The following SYT1 variants were observed in gnomAD, a reference collection of about 807,000 sequenced individuals.
The protein encoded by SYT1 is synaptotagmin 1.
SYT1 carries 8 observed loss-of-function variants against 44.8 expected under a neutral mutation model. The ratio of observed to expected loss-of-function variants is 0.18; its 90% CI spans 0.10 to 0.32. The LOEUF is 0.32. SYT1 is among the 10% of genes least tolerant of loss of function. The pLI is 1.00. For synonymous variants in SYT1, 154 were observed against 188.8 expected (o/e 0.82, Z 1.51); for missense variants, 286 against 509.3 (o/e 0.56, Z 4.22).
chr12:78,923,840 A>T (rs921833188), intron 1 of SYT1, among the ~76,000 whole-genome samples: 5 of 151,878 alleles, frequency 3.3e-5, no homozygotes, highest in African/African-American at 1.2e-4. Flanking sequence ...TCTCATCAGG[A>T]AATTAACATT....
chr12:79,050,789 C>A (rs985638654), intron 3 of SYT1, among the ~76,000 whole-genome samples: 13 of 151,922 alleles, frequency 8.6e-5, no homozygotes, highest in African/African-American at 2.7e-4. Flanking sequence ...TTGCAAATAT[C>A]CCAAATGTTA....
chr12:79,298,379 C>T (rs1353777027), intron 7 of SYT1, among the ~76,000 whole-genome samples: 1 of 152,006 alleles, frequency 6.6e-6, no homozygotes, highest in South Asian at 2.1e-4. Context: ...AAGAAAAACT[C>T]TTTGGAAAAC....
chr12:79,108,794 A>T lies in SYT1; in HGVS notation c.-18+61432A>T, dbSNP rs200932243. 4.6e-5 allele frequency among the ~76,000 whole-genome samples: 7 copies of T among 152,354 alleles called. No individual in the cohort carries two copies. The East Asian group carries it at 1.3e-3, about 29-fold the overall frequency. On this transcript the variant is annotated intron_variant, in intron 3 of 10. Transcript: ENST00000261205. ...AAACACTGCTTTTTAAAATTTATTTATGAGTACTGAACATGGTTATGGTCT... is the reference window on the plus strand; with the variant it reads ...AAACACTGCTTTTTAAAATTTATTTTTGAGTACTGAACATGGTTATGGTCT...
intron 8 of SYT1, among the ~76,000 whole-genome samples, chr12:79,316,000 T>G (rs542634619): frequency 2.4e-4 from 36 of 152,344 alleles, no homozygotes; most frequent in South Asian, 8.3e-4. Flanking sequence ...CAGACCTTTT[T>G]CCTACTAACA....
intron 3 of SYT1, among the ~76,000 whole-genome samples, chr12:79,168,062 C>T (rs1871317052): frequency 1.3e-5 from 2 of 152,074 alleles, no homozygotes; most frequent in African/African-American, 4.8e-5. Flanking sequence ...CTGTGCGGTC[C>T]AGTTCCTAAC....
intron 9 of SYT1, among the ~76,000 whole-genome samples, chr12:79,357,104 AATTTTCTTATTGCTCTCCAACAAGGTT>A (rs1467954487): frequency 6.6e-6 from 1 of 152,236 alleles, no homozygotes; most frequent in African/African-American, 2.4e-5. Flanking sequence ...TATGTAAAAT[AATTTTCTTATTGCTCTCCAACAAGGTT>A]ATTTCCTTCC....
intron 2 of SYT1, among the ~76,000 whole-genome samples, chr12:79,044,602 T>A (rs1181976225): frequency 6.7e-6 from 1 of 148,402 alleles, no homozygotes; most frequent in African/African-American, 2.5e-5. Context: ...AGTAATTTGA[T>A]CGTCTGAAGC....
rs913518080 is a variant in SYT1, at chr12:79,160,943, T to A, written c.-17-56560T>A. 2.6e-5 allele frequency among the ~76,000 whole-genome samples: 4 copies of A among 152,116 alleles called. No homozygotes were observed. The South Asian group carries it at 8.3e-4, about 32-fold the overall frequency. Reference sequence around the variant, plus strand: ...TTTATGATAGTGGTCCATAAAATTATAAGACTGGGCCAGGCGCAGTGGCTC... The same window carrying A: ...TTTATGATAGTGGTCCATAAAATTAAAAGACTGGGCCAGGCGCAGTGGCTC... On this transcript the variant is annotated intron_variant, in intron 3 of 10. Transcript: ENST00000261205.
intron 4 of SYT1, among the ~76,000 whole-genome samples, chr12:79,282,526 A>C (rs1190407248): frequency 6.6e-6 from 1 of 152,204 alleles, no homozygotes; most frequent in Non-Finnish European, 1.5e-5. Context: ...CAATAACAAT[A>C]AACTGATAGT....
chr12:78,917,336 A>T (rs1876718833), intron 1 of SYT1, among the ~76,000 whole-genome samples: 1 of 151,924 alleles, frequency 6.6e-6, no homozygotes, highest in Non-Finnish European at 1.5e-5. Context: ...TTCTGAATGT[A>T]TCCCAATTAG....
At chr12:78,984,122 A>C (rs1265089551) in intron 2 of SYT1, among the ~76,000 whole-genome samples, 1 of 151,938 alleles carries the variant, frequency 6.6e-6, no homozygotes, top group Middle Eastern at 3.2e-3. Flanking sequence ...CAGACCAACC[A>C]CCAAGACAAA....
chr12:79,033,264 G>A (rs1565772618), intron 2 of SYT1, among the ~76,000 whole-genome samples: 1 of 151,264 alleles, frequency 6.6e-6, no homozygotes, highest in Admixed American at 6.6e-5. Flanking sequence ...TGTCAAAATT[G>A]TAGGTGTAAT....
rs141330116 is a variant in SYT1, at chr12:79,067,892, A to G, written c.-18+20530A>G. The stretch of plus-strand genomic sequence containing the variant: ...TTCAAGACCAACAGATCAAGTAGAA[A>G]TTGTTGTAGAACATATATGTGCTGC... On this transcript the variant is annotated intron_variant, in intron 3 of 10. Coordinates refer to ENST00000261205, the MANE Select transcript of SYT1 (RefSeq NM_005639.3). Among the ~76,000 whole-genome samples the G allele has an allele frequency of 6.3e-4, 96 of 152,356 alleles. No individual in the cohort carries two copies. The East Asian group carries it at 0.013, about 20-fold the overall frequency.
intron 4 of SYT1, among the ~76,000 whole-genome samples, chr12:79,238,611 A>T (rs998175054): frequency 2.0e-5 from 3 of 152,246 alleles, no homozygotes; most frequent in Non-Finnish European, 4.4e-5. Context: ...ATGCAGGGCA[A>T]TTGGGTATGT....
intron 3 of SYT1, among the ~76,000 whole-genome samples, chr12:79,216,453 G>T (rs1874812315): frequency 2.0e-5 from 3 of 152,140 alleles, no homozygotes; most frequent in Non-Finnish European, 2.9e-5. Flanking sequence ...AATATTTTTA[G>T]AATGGAGAAT....
chr12:79,346,372 T>C (rs1019970912), intron 8 of SYT1, among the ~76,000 whole-genome samples: 1 of 152,216 alleles, frequency 6.6e-6, no homozygotes, highest in African/African-American at 2.4e-5. Context: ...TGCCTTCTGA[T>C]TGTCAGCTGT....
At chr12:79,031,407 A>T (rs148725186) in intron 2 of SYT1, among the ~76,000 whole-genome samples, 1 of 151,190 alleles carries the variant, frequency 6.6e-6, no homozygotes, top group East Asian at 1.9e-4. Flanking sequence ...TTATTTTCTT[A>T]GCTTTGGCTT....
intron 8 of SYT1, among the ~76,000 whole-genome samples, chr12:79,306,913 T>G (rs146861406): frequency 5.3e-4 from 80 of 152,324 alleles, no homozygotes; most frequent in African/African-American, 1.7e-3. Flanking sequence ...ACTGAAATAA[T>G]GAAAAGGGTT....
intron 2 of SYT1, among the ~76,000 whole-genome samples, chr12:79,038,696 GTTTT>G: frequency 6.6e-6 from 1 of 151,810 alleles, no homozygotes; most frequent in African/African-American, 2.4e-5. Context: ...ATATTTTACA[GTTTT>G]GAAATTTAAA....
Sources: allele counts gnomAD v4.1 joint callset (sites outside exome capture counted in the v4.1 genomes callset), GRCh38; gene constraint gnomAD v4.1.1; transcripts MANE v1.5; gene names NCBI Gene and HGNC (gene_info 2026-07-23, HGNC 2026-07-21).